Variants in CSMD1 observed in about 807,000 individuals in gnomAD.
The protein encoded by CSMD1 is CUB and Sushi multiple domains 1, also known as CUB and sushi domain-containing protein 1.
CSMD1 carries 213 observed loss-of-function variants against 417.5 expected under a neutral mutation model. That is an observed-to-expected ratio of 0.51 (90% confidence interval 0.46 to 0.57). The LOEUF (loss-of-function observed/expected upper bound fraction) is 0.57, where lower values mean the gene tolerates loss of function less well. Among genes scored for constraint, CSMD1 ranks in the 20% least tolerant of loss-of-function variants. The probability of loss-of-function intolerance (pLI) is 0.00; values close to 1 mark genes in which losing one functional copy is unlikely to be tolerated. For missense variants in CSMD1, 6,923 were observed against 4,529.7 expected (o/e 1.53, Z -15.17); for synonymous variants, 2,862 against 1,736.8 (o/e 1.65, Z -16.11).
chr8:3,609,584 T>C (rs1801787687), intron 8 of CSMD1, among the ~76,000 whole-genome samples: 1 of 152,182 alleles, frequency 6.6e-6, no homozygotes, highest in Non-Finnish European at 1.5e-5. Flanking sequence ...GAGGAATATT[T>C]TACCAGCCTA....
intron 2 of CSMD1, among the ~76,000 whole-genome samples, chr8:4,533,448 C>T (rs1333633882): frequency 1.3e-5 from 2 of 152,154 alleles, no homozygotes; most frequent in Admixed American, 1.3e-4. Context: ...TACGTGAGCC[C>T]TGATGGGCAG....
chr8:4,740,832 A>T (rs1810556948), intron 1 of CSMD1, among the ~76,000 whole-genome samples: 1 of 152,238 alleles, frequency 6.6e-6, no homozygotes, highest in Admixed American at 6.5e-5. Context: ...TTCAGGATGA[A>T]TCTTAAAGAA....
At chr8:3,702,240 T>G (rs1800912274) in intron 7 of CSMD1, 1 of 152,200 alleles carries the variant, frequency 6.6e-6, no homozygotes, top group Admixed American at 6.5e-5. Context: ...CTGCAAATGC[T>G]CCTCCGTACA....
chr8:4,674,064 G>C (rs1204913502), intron 1 of CSMD1, among the ~76,000 whole-genome samples: 3 of 152,130 alleles, frequency 2.0e-5, no homozygotes. Flanking sequence ...ATTCTAAATG[G>C]AGACTTTCTC....
chr8:3,885,583 C>T (rs1806506651), intron 5 of CSMD1, among the ~76,000 whole-genome samples: 4 of 152,176 alleles, frequency 2.6e-5, no homozygotes, highest in Admixed American at 1.3e-4. Flanking sequence ...AGGCAGTCAT[C>T]ATCCAACATC....
intron 7 of CSMD1, among the ~76,000 whole-genome samples, chr8:3,636,738 C>T (rs771595158): frequency 3.3e-5 from 5 of 152,254 alleles, no homozygotes; most frequent in East Asian, 1.9e-4. Flanking sequence ...GCTGGCTCAG[C>T]GAGGATGGCA....
rs906741897 is a variant in CSMD1 at position 4,091,852 on chromosome 8, C to G, written c.416-59753G>C. The stretch of plus-strand genomic sequence containing the variant: ...GGACTATTTAGCAATGGAGAAACAA[C>G]AGAATTTTAACAAAATTAGACTCCG... On this transcript the variant is annotated intron_variant, in intron 3 of 69. Transcript: ENST00000635120. Among the ~76,000 whole-genome samples the G allele has an allele frequency of 5.3e-5, 8 of 152,138 alleles. 1 individual carries two copies. Among genetic ancestry groups the G allele is most frequent in the African/African-American group, 1.9e-4 (8 of 41,424 alleles).
intron 3 of CSMD1, among the ~76,000 whole-genome samples, chr8:4,290,906 C>T (rs1315937627): frequency 6.6e-6 from 1 of 152,172 alleles, no homozygotes; most frequent in Admixed American, 6.5e-5. Flanking sequence ...TGTAATTCCG[C>T]CAGTTCACAA....
chr8:4,207,349 C>G (rs1392257208), intron 3 of CSMD1, among the ~76,000 whole-genome samples: 1 of 152,038 alleles, frequency 6.6e-6, no homozygotes, highest in Non-Finnish European at 1.5e-5. Context: ...TGACTAGCAA[C>G]AAATTAGCTT....
chr8:4,065,819 T>C (rs1477402662), intron 3 of CSMD1, among the ~76,000 whole-genome samples: 1 of 152,200 alleles, frequency 6.6e-6, no homozygotes, highest in East Asian at 1.9e-4. Context: ...TTGAGGAGTT[T>C]TCTTTTTTTG....
intron 3 of CSMD1, among the ~76,000 whole-genome samples, chr8:4,204,783 T>C (rs1799878331): frequency 1.3e-5 from 2 of 152,058 alleles, no homozygotes; most frequent in South Asian, 4.2e-4. Flanking sequence ...GCCTCCTGAG[T>C]AGCTGAGACC....
At chr8:4,371,572 A>T (rs1402907474) in intron 3 of CSMD1, among the ~76,000 whole-genome samples, 1 of 152,128 alleles carries the variant, frequency 6.6e-6, no homozygotes, top group African/African-American at 2.4e-5. Context: ...TTATTTTTTC[A>T]TTCATGGATT....
chr8:4,730,264 C>A (rs1457681243), intron 1 of CSMD1, among the ~76,000 whole-genome samples: 1 of 151,930 alleles, frequency 6.6e-6, no homozygotes, highest in Non-Finnish European at 1.5e-5. Flanking sequence ...TTTTTATGTT[C>A]AGGGAACTCA....
At chr8:4,758,796 G>A (rs780265418) in intron 1 of CSMD1, among the ~76,000 whole-genome samples, 18 of 152,112 alleles carry the variant, frequency 1.2e-4, no homozygotes, top group Admixed American at 4.6e-4. Flanking sequence ...AACAGCATGG[G>A]AGAACCTTCC....
intron 3 of CSMD1, among the ~76,000 whole-genome samples, chr8:4,205,126 T>G (rs563075450): frequency 6.6e-6 from 1 of 152,246 alleles, no homozygotes; most frequent in South Asian, 2.1e-4. Flanking sequence ...TAAACACATT[T>G]ATCTCAACTC....
At chr8:4,825,751 T>C (rs994498019) in intron 1 of CSMD1, among the ~76,000 whole-genome samples, 5 of 145,174 alleles carry the variant, frequency 3.4e-5, no homozygotes, top group South Asian at 2.2e-4. Flanking sequence ...ATCTGAGATA[T>C]AGAGATATAC....
At chr8:3,788,606 T>C (rs951658042) in intron 5 of CSMD1, among the ~76,000 whole-genome samples, 4 of 152,346 alleles carry the variant, frequency 2.6e-5, no homozygotes, top group Middle Eastern at 3.4e-3. Flanking sequence ...AATAGGATTG[T>C]AAAGATTTAG....
intron 3 of CSMD1, among the ~76,000 whole-genome samples, chr8:4,128,415 C>G (rs775551819): frequency 6.6e-6 from 1 of 152,158 alleles, no homozygotes; most frequent in Non-Finnish European, 1.5e-5. Context: ...TGTGATGACT[C>G]TATTGGGAAA....
Position 2,942,456 on chromosome 8 carries a change from G to C in CSMD1, c.10535+16C>G. The stretch of plus-strand genomic sequence containing the variant: ...ACACTCACAACATTCTCAAACAGAT[G>C]GTGTTTCTGCAGTACCTGTGTTTGT... On this transcript the variant is annotated intron_variant, in intron 69 of 69. Transcript: ENST00000635120. 6.2e-7 allele frequency: 1 copy of C among 1,606,184 alleles called. No homozygotes were observed. The highest frequency in any genetic ancestry group is 8.5e-7 in the Non-Finnish European group (1 of 1,174,854).
Sources: allele counts gnomAD v4.1 joint callset (sites outside exome capture counted in the v4.1 genomes callset), GRCh38; gene constraint gnomAD v4.1.1; transcripts MANE v1.5; gene names NCBI Gene and HGNC (gene_info 2026-07-23, HGNC 2026-07-21).